PRKG1: variants seen among roughly 807,000 people sequenced by gnomAD.
PRKG1 encodes the protein cGMP-dependent protein kinase 1.
A neutral mutation model predicts 88.1 loss-of-function variants in PRKG1; 35 were observed. The observed-to-expected ratio is 0.40, with a 90% CI of 0.30 to 0.53. The LOEUF (loss-of-function observed/expected upper bound fraction) is 0.53, where lower values mean the gene tolerates loss of function less well. Among genes scored for constraint, PRKG1 ranks in the 20% least tolerant of loss-of-function variants. The pLI is 0.59. For synonymous variants in PRKG1, 303 were observed against 292.5 expected (o/e 1.04, Z -0.37); for missense variants, 540 against 839.8 (o/e 0.64, Z 4.41).
intron 10 of PRKG1, among the ~76,000 whole-genome samples, chr10:52,259,564 C>G (rs1232997150): frequency 6.6e-6 from 1 of 151,960 alleles, no homozygotes; most frequent in African/African-American, 2.4e-5. Context: ...TCAGTATTCC[C>G]CATTGTCATT....
At chr10:51,354,148 C>T (rs958571207) in intron 2 of PRKG1, among the ~76,000 whole-genome samples, 29 of 151,304 alleles carry the variant, frequency 1.9e-4, no homozygotes, top group Non-Finnish European at 2.9e-4. Flanking sequence ...ATGGTTACAA[C>T]GCTGGGAAGG....
intron 3 of PRKG1, among the ~76,000 whole-genome samples, chr10:51,658,867 A>G (rs1426099464): frequency 2.0e-5 from 3 of 152,116 alleles, no homozygotes; most frequent in African/African-American, 4.8e-5. Flanking sequence ...CAACCTGTCT[A>G]GATATAAAAT....
At chr10:51,206,837 G>T (rs1022909225) in intron 2 of PRKG1, among the ~76,000 whole-genome samples, 5 of 152,136 alleles carry the variant, frequency 3.3e-5, no homozygotes, top group African/African-American at 7.2e-5. Context: ...GCGATCACTT[G>T]TTACAACATA....
At chr10:50,995,848 TC>T (rs1323906457) in intron 1 of PRKG1, among the ~76,000 whole-genome samples, 1 of 152,210 alleles carries the variant, frequency 6.6e-6, no homozygotes, top group Non-Finnish European at 1.5e-5. Context: ...ATCGCTTGAT[TC>T]TTGATAATGT....
At position 51,602,730 on chromosome 10, in the gene PRKG1, A is replaced by G. The variant is rs1402940282; in HGVS notation, c.592+134894A>G. On this transcript the variant is annotated intron_variant, in intron 3 of 17. Coordinates refer to ENST00000373980, the MANE Select transcript of PRKG1 (RefSeq NM_006258.4). ...GCGCCTGGCTGGCTTTGATTAATAT[A>G]TATGTGTGTGTGTGTGTGTGTGTGT... 7.2e-5 allele frequency among the ~76,000 whole-genome samples: 3 copies of G among 41,812 alleles called. No individual in the cohort carries two copies. The Admixed American group carries it at 8.8e-4, about 12-fold the overall frequency. 27.4% of individuals were successfully genotyped at this position (41,812 alleles called of 152,430 possible).
intron 9 of PRKG1, among the ~76,000 whole-genome samples, chr10:52,190,674 G>T (rs952731163): frequency 1.3e-5 from 2 of 152,112 alleles, no homozygotes; most frequent in African/African-American, 4.8e-5. Context: ...TATTGCCAAA[G>T]CCCATTTGTG....
intron 2 of PRKG1, among the ~76,000 whole-genome samples, chr10:51,451,370 A>G (rs1839435093): frequency 6.6e-6 from 1 of 151,934 alleles, no homozygotes. Flanking sequence ...ACTAGAGGTT[A>G]GTAAAAATAA....
intron 5 of PRKG1, among the ~76,000 whole-genome samples, chr10:51,948,021 G>T (rs1843093220): frequency 6.6e-6 from 1 of 151,826 alleles, no homozygotes; most frequent in African/African-American, 2.4e-5. Flanking sequence ...TTATTCCTTG[G>T]TTTCTTATAT....
chr10:52,263,735 C>T (rs529075917), intron 10 of PRKG1, among the ~76,000 whole-genome samples: 3 of 151,700 alleles, frequency 2.0e-5, no homozygotes, highest in Admixed American at 2.0e-4. Context: ...CCACCATGCC[C>T]GACTAATTTT....
intron 2 of PRKG1, among the ~76,000 whole-genome samples, chr10:51,425,068 G>A (rs989943957): frequency 2.0e-5 from 3 of 151,656 alleles, no homozygotes; most frequent in African/African-American, 7.3e-5. Flanking sequence ...CCTGGCCCCT[G>A]CTACGTATCA....
intron 3 of PRKG1, among the ~76,000 whole-genome samples, chr10:51,522,001 C>T (rs752831823): frequency 6.6e-6 from 1 of 152,084 alleles, no homozygotes; most frequent in Non-Finnish European, 1.5e-5. Flanking sequence ...TTATAGCCAA[C>T]AAATTGAGCC....
intron 3 of PRKG1, among the ~76,000 whole-genome samples, chr10:51,784,057 A>G (rs1316004638): frequency 6.6e-6 from 1 of 151,994 alleles, no homozygotes; most frequent in African/African-American, 2.4e-5. Flanking sequence ...GCTGCTTTTA[A>G]CACTCCCCTT....
intron 1 of PRKG1, among the ~76,000 whole-genome samples, chr10:51,147,371 A>G (rs1234863624): frequency 1.3e-5 from 2 of 152,182 alleles, no homozygotes; most frequent in Non-Finnish European, 1.5e-5. Flanking sequence ...CATTATGTAC[A>G]TGTATGAAAA....
chr10:51,435,633 A>G (rs1179594659), intron 2 of PRKG1, among the ~76,000 whole-genome samples: 1 of 151,920 alleles, frequency 6.6e-6, no homozygotes, highest in East Asian at 1.9e-4. Flanking sequence ...TGGAAACTAT[A>G]TTTATGCTTA....
At chr10:51,885,559 C>A (rs867247615) in intron 4 of PRKG1, among the ~76,000 whole-genome samples, 2 of 152,140 alleles carry the variant, frequency 1.3e-5, no homozygotes, top group African/African-American at 2.4e-5. Flanking sequence ...TTAGACACCT[C>A]CTCACCTTCT....
rs1842349984 is a variant in PRKG1, at chr10:52,294,879, C to T, written c.*979C>T. 1 of 152,464 alleles carries T rather than the reference C, an allele frequency of 6.6e-6. No individual in the cohort carries two copies. Among genetic ancestry groups the T allele is most frequent in the Non-Finnish European group, 1.5e-5 (1 of 67,972 alleles). 9.4% of individuals were successfully genotyped at this position (152,464 alleles called of 1,614,324 possible). On this transcript the variant is annotated 3_prime_UTR_variant, in exon 18 of 18. Transcript: ENST00000373980. Reference sequence around the variant, plus strand: ...AAAACTATATAGGTGCTATGTATATCTTTCATCTGTAAATGTCAGTGTCTG... The same window carrying T: ...AAAACTATATAGGTGCTATGTATATTTTTCATCTGTAAATGTCAGTGTCTG...
At chr10:51,239,837 C>T (rs1057446543) in intron 2 of PRKG1, among the ~76,000 whole-genome samples, 6 of 152,192 alleles carry the variant, frequency 3.9e-5, no homozygotes, top group African/African-American at 1.4e-4. Context: ...ATGTAGGAGA[C>T]TCAGCTCTCC....
intron 3 of PRKG1, among the ~76,000 whole-genome samples, chr10:51,518,603 T>C (rs1242454420): frequency 6.6e-6 from 1 of 152,120 alleles, no homozygotes; most frequent in East Asian, 1.9e-4. Flanking sequence ...GGAAAACAGA[T>C]CCTTTAAATT....
At chr10:51,815,569 G>T (rs1175603639) in intron 4 of PRKG1, among the ~76,000 whole-genome samples, 1 of 152,028 alleles carries the variant, frequency 6.6e-6, no homozygotes, top group Admixed American at 6.6e-5. Context: ...TTTAGACAAA[G>T]AAAGCGTCTT....
Sources: gnomAD v4.1 joint callset for allele counts (sites outside exome capture counted in the v4.1 genomes callset) on GRCh38, gnomAD v4.1.1 for gene constraint, MANE v1.5 for transcripts, NCBI Gene and HGNC (gene_info 2026-07-23, HGNC 2026-07-21) for gene names.